Variants in SLC41A3 observed in about 807,000 individuals in gnomAD.
SLC41A3 encodes the protein solute carrier family 41 member 3.
In SLC41A3, 44 loss-of-function variants were observed where a neutral mutation model predicts 45.4. The observed-to-expected ratio is 0.97, with a 90% confidence interval of 0.76 to 1.25. The LOEUF (loss-of-function observed/expected upper bound fraction) is 1.25, where lower values mean the gene tolerates loss of function less well. Ranked by LOEUF, SLC41A3 falls within the 50% of genes most tolerant of loss-of-function variation. SLC41A3 has a pLI of 0.00. For synonymous variants in SLC41A3, 256 were observed against 252.4 expected (o/e 1.01, Z -0.13); for missense variants, 550 against 600.6 (o/e 0.92, Z 0.88).
At chr3:126,054,935 G>C (rs1943563259) in intron 2 of SLC41A3, among the ~76,000 whole-genome samples, 1 of 152,082 alleles carries the variant, frequency 6.6e-6, no homozygotes, top group Admixed American at 6.5e-5. Flanking sequence ...GCTTTCTAAT[G>C]GGGGGCTGGC....
At chr3:126,052,733 T>C (rs1210655448) in intron 2 of SLC41A3, among the ~76,000 whole-genome samples, 5 of 152,100 alleles carry the variant, frequency 3.3e-5, no homozygotes, top group African/African-American at 1.2e-4. Flanking sequence ...CCACCCCCAG[T>C]CCTTTGCCAA....
intron 3 of SLC41A3, among the ~76,000 whole-genome samples, chr3:126,038,993 C>T (rs947990665): frequency 1.3e-5 from 2 of 151,882 alleles, no homozygotes; most frequent in Non-Finnish European, 2.9e-5. Context: ...AGTTTAGCAC[C>T]TCCTCCCTCC....
chr3:126,064,167 C>T (rs528808238), intron 2 of SLC41A3, among the ~76,000 whole-genome samples: 104 of 152,130 alleles, frequency 6.8e-4, no homozygotes, highest in Middle Eastern at 3.4e-3. Flanking sequence ...CCTAAAACTA[C>T]GAAGTGCGGC....
At chr3:126,029,163 T>C (rs189427348) in intron 4 of SLC41A3, among the ~76,000 whole-genome samples, 20 of 152,312 alleles carry the variant, frequency 1.3e-4, no homozygotes, top group African/African-American at 4.3e-4. Flanking sequence ...GGCATGAGAT[T>C]TGGGGGGCCA....
chr3:126,059,307 A>AAAGAAAGGAAGG (rs1559870097), intron 2 of SLC41A3, among the ~76,000 whole-genome samples: 71 of 59,444 alleles, frequency 1.2e-3, no homozygotes, highest in Middle Eastern at 8.3e-3. Flanking sequence ...AGAAAGAAAG[A>AAAGAAAGGAAGG]AAGGAAGGAT....
chr3:126,100,912 A>G (rs1037129727), intron 1 of SLC41A3, among the ~76,000 whole-genome samples: 1 of 152,212 alleles, frequency 6.6e-6, no homozygotes, highest in African/African-American at 2.4e-5. Flanking sequence ...TGTTTATTAT[A>G]CTTCTAAACC....
At chr3:126,033,712 G>T in intron 3 of SLC41A3, 34 bp from the exon 4 acceptor site, 1 of 1,602,234 alleles carries the variant, frequency 6.2e-7, no homozygotes, top group South Asian at 1.1e-5. Flanking sequence ...AGGTAGGACT[G>T]GCTAGGCCCA....
chr3:126,012,545 T>C, intron 9 of SLC41A3, 70 bp downstream of exon 9: 2 of 1,590,278 alleles, frequency 1.3e-6, no homozygotes, highest in East Asian at 2.2e-5. Flanking sequence ...AAACACCAGA[T>C]TCCAATGACA....
chr3:126,042,863 A>G (rs182500716), intron 3 of SLC41A3, among the ~76,000 whole-genome samples: 1 of 152,294 alleles, frequency 6.6e-6, no homozygotes, highest in East Asian at 1.9e-4. Context: ...AAGAACAAAA[A>G]TAAATAAGAT....
chr3:126,068,302 C>A lies in SLC41A3; in HGVS notation c.-27-56G>T, dbSNP rs1429594669. The A allele has an allele frequency of 9.7e-6, 14 of 1,435,964 alleles. No homozygotes were observed. In the East Asian group the frequency reaches 3.3e-4, roughly 34 times the overall value. 89.0% of individuals were successfully genotyped at this position (1,435,964 alleles called of 1,614,324 possible). Reference sequence around the variant, plus strand: ...AAGTTCCTGATTCCCATGGCGCTAACACCCAAGGAGCCTCAGGCACCTGTC... The same window carrying A: ...AAGTTCCTGATTCCCATGGCGCTAAAACCCAAGGAGCCTCAGGCACCTGTC... On this transcript the variant is annotated intron_variant, in intron 1 of 10. Coordinates refer to ENST00000360370, the MANE Select transcript of SLC41A3 (RefSeq NM_017836.4).
At chr3:126,030,226 T>C (rs1015139313) in intron 4 of SLC41A3, among the ~76,000 whole-genome samples, 1 of 143,952 alleles carries the variant, frequency 6.9e-6, no homozygotes, top group Non-Finnish European at 1.5e-5. Flanking sequence ...GTTTAAACAA[T>C]ATATATTAAG....
chr3:126,017,601 TC>T (rs1430128496), intron 6 of SLC41A3, among the ~76,000 whole-genome samples: 1 of 152,158 alleles, frequency 6.6e-6, no homozygotes, highest in East Asian at 1.9e-4. Context: ...CGTGTGAGGG[TC>T]CCCCACAAGT....
chr3:126,087,907 A>C (rs1222973654), upstream of SLC41A3, among the ~76,000 whole-genome samples: 1 of 152,108 alleles, frequency 6.6e-6, no homozygotes, highest in Non-Finnish European at 1.5e-5. Flanking sequence ...AAACTAAATA[A>C]TTGGCTAAAA....
chr3:126,090,676 C>T (rs1410710447), intron 1 of SLC41A3, among the ~76,000 whole-genome samples: 4 of 152,148 alleles, frequency 2.6e-5, no homozygotes, highest in Non-Finnish European at 4.4e-5. Context: ...TCATGGTATT[C>T]TGAAGGCCAG....
intron 1 of SLC41A3, among the ~76,000 whole-genome samples, chr3:126,099,778 T>C (rs1945672626): frequency 6.6e-6 from 1 of 152,236 alleles, no homozygotes; most frequent in African/African-American, 2.4e-5. Context: ...CTGTTTGCTG[T>C]TTTGGTTGCT....
intron 1 of SLC41A3, among the ~76,000 whole-genome samples, chr3:126,095,813 C>T (rs931728329): frequency 1.3e-5 from 2 of 152,180 alleles, no homozygotes; most frequent in African/African-American, 4.8e-5. Flanking sequence ...GCTTGAATTG[C>T]ACCTCTGAGT....
In SLC41A3 at chr3:126,006,530, T is replaced by TG. The variant is rs1032031866; in HGVS notation, c.*485dup. The TG allele has an allele frequency of 1.9e-6, 3 of 1,612,430 alleles. No individual in the cohort carries two copies. Among genetic ancestry groups the TG allele is most frequent in the African/African-American group, 1.3e-5 (1 of 74,814 alleles). On this transcript the variant is annotated 3_prime_UTR_variant, in exon 11 of 11. Coordinates refer to ENST00000360370, the MANE Select transcript of SLC41A3 (RefSeq NM_017836.4). ...ATCCTGGGGAGGCTGTACACCTTCT[T>TG]GGCACAGCAGCAGTGTGGCCCACGG...
upstream of SLC41A3, among the ~76,000 whole-genome samples, chr3:126,086,710 A>G (rs1029697256): frequency 3.3e-5 from 5 of 152,106 alleles, no homozygotes; most frequent in Non-Finnish European, 2.9e-5. Context: ...ATGTAGGACT[A>G]TTTAGCTGAC....
At chr3:126,065,350 A>G (rs1944295004) in intron 2 of SLC41A3, among the ~76,000 whole-genome samples, 1 of 152,270 alleles carries the variant, frequency 6.6e-6, no homozygotes, top group Admixed American at 6.5e-5. Flanking sequence ...TAAAACTGAT[A>G]CAAAAACCAC....
Sources: gnomAD v4.1 joint callset for allele counts (sites outside exome capture counted in the v4.1 genomes callset) on GRCh38, gnomAD v4.1.1 for gene constraint, MANE v1.5 for transcripts, NCBI Gene and HGNC (gene_info 2026-07-23, HGNC 2026-07-21) for gene names.